The following NUDT3 variants were observed in gnomAD, a reference collection of about 807,000 sequenced individuals.
The protein encoded by NUDT3 is diphosphoinositol polyphosphate phosphohydrolase 1.
NUDT3 carries 9 observed loss-of-function variants against 23.6 expected under a neutral mutation model. The observed-to-expected ratio is 0.38, with a 90% CI of 0.23 to 0.66. NUDT3 has a LOEUF of 0.66. Among genes scored for constraint, NUDT3 ranks in the 30% least tolerant of loss-of-function variants. The pLI is 0.52. For missense variants in NUDT3, 172 were observed against 218.5 expected, an observed-to-expected ratio of 0.79 and a Z score of 1.34; for synonymous variants, 86 against 82.6, an observed-to-expected ratio of 1.04 and a Z score of -0.22.
intron 2 of NUDT3, among the ~76,000 whole-genome samples, chr6:34,297,751 ATATATATAATTTTT>A (rs1763532373): frequency 1.6e-4 from 16 of 99,780 alleles, no homozygotes; most frequent in African/African-American, 7.1e-4. Flanking sequence ...ATATATATAT[ATATATATAATTTTT>A]TTTTTTTTTT....
chr6:34,371,946 A>C lies in NUDT3; in HGVS notation c.99+20318T>G, dbSNP rs140676173. On this transcript the variant is annotated intron_variant, in intron 1 of 4. Coordinates refer to ENST00000607016, the MANE Select transcript of NUDT3 (RefSeq NM_006703.4). ...GTGTGATGTTCCCCACCCTGTGTCC[A>C]AGTGTTCTTATTGTTCAATTCCCAC... 4.1e-3 allele frequency among the ~76,000 whole-genome samples: 623 copies of C among 152,236 alleles called. 3 individuals are homozygous for C. The highest frequency in any genetic ancestry group is 5.9e-3 in the Non-Finnish European group (399 of 68,026).
chr6:34,365,712 AG>A, intron 1 of NUDT3, among the ~76,000 whole-genome samples: 1 of 152,198 alleles, frequency 6.6e-6, no homozygotes, highest in South Asian at 2.1e-4. Flanking sequence ...CAGGAGTTCG[AG>A]ACGAGTCTGG....
intron 2 of NUDT3, among the ~76,000 whole-genome samples, chr6:34,338,116 T>C (rs413417): frequency 0.99 from 150,699 of 152,354 alleles, 74,535 homozygotes; most frequent in Middle Eastern, 1. Flanking sequence ...CCCTTCAGGG[T>C]GTGCCTACAC....
intron 1 of NUDT3, among the ~76,000 whole-genome samples, chr6:34,367,027 G>A (rs1383581379): frequency 6.6e-6 from 1 of 152,080 alleles, no homozygotes; most frequent in Non-Finnish European, 1.5e-5. Flanking sequence ...CAAGTAGCTG[G>A]GATTACAGGT....
rs1765228926 is a variant in NUDT3, at chr6:34,392,626, A to G, written c.-264T>C. Reference sequence around the variant, plus strand: ...GCCCCCTCTGCCGCCGCCACCCCCGACGACGACCGCGCCGCCATCTTGGGC... The same window carrying G: ...GCCCCCTCTGCCGCCGCCACCCCCGGCGACGACCGCGCCGCCATCTTGGGC... On this transcript the variant is annotated 5_prime_UTR_variant, in exon 1 of 5. Transcript: ENST00000607016. 1 of 252,480 alleles carries G rather than the reference A, an allele frequency of 4.0e-6. No individual in the cohort carries two copies. The highest frequency in any genetic ancestry group is 7.5e-6 in the Non-Finnish European group (1 of 133,244). 15.6% of individuals were successfully genotyped at this position (252,480 alleles called of 1,614,324 possible).
At chr6:34,343,927 G>GA (rs1764326298) in intron 1 of NUDT3, among the ~76,000 whole-genome samples, 1 of 152,164 alleles carries the variant, frequency 6.6e-6, no homozygotes, top group Non-Finnish European at 1.5e-5. Context: ...ATAAGCACAT[G>GA]AAAAGATGCT....
rs563288935 is a variant in NUDT3 at position 34,390,232 on chromosome 6, T to G, written c.99+2032A>C. Among the ~76,000 whole-genome samples the G allele has an allele frequency of 1.0e-3, 157 of 151,404 alleles. 1 individual carries two copies. The highest frequency in any genetic ancestry group is 3.3e-3 in the African/African-American group (137 of 41,414). On this transcript the variant is annotated intron_variant, in intron 1 of 4. Transcript: ENST00000607016. ...TCGCCTGAACCTGGGAGGCAGAGGT[T>G]GCAGTGAGCCAAGATGGGGCCACTG...
rs1452095509 is a variant in NUDT3 at position 34,284,530 on chromosome 6, CT to C, written c.*4222del. 1.5e-5 allele frequency: 2 copies of C among 131,352 alleles called. No individual in the cohort carries two copies. Among genetic ancestry groups the C allele is most frequent in the Non-Finnish European group, 3.3e-5 (2 of 60,992 alleles). 8.1% of individuals were successfully genotyped at this position (131,352 alleles called of 1,614,324 possible). A position where few individuals can be genotyped will look rare whatever the true frequency, so the allele number is the denominator to read the frequency against. On this transcript the variant is annotated 3_prime_UTR_variant, in exon 5 of 5. Coordinates refer to ENST00000607016, the MANE Select transcript of NUDT3 (RefSeq NM_006703.4). ...AAAAGTGAATGTGGCTTAGGCTAAG[CT>C]GTTTTTTTTTTTTTTTTTTTAAAGA...
At chr6:34,353,282 G>C (rs967957137) in intron 1 of NUDT3, among the ~76,000 whole-genome samples, 1 of 151,582 alleles carries the variant, frequency 6.6e-6, no homozygotes, top group Non-Finnish European at 1.5e-5. Flanking sequence ...ATAACCACAG[G>C]GTATGTTTTT....
chr6:34,334,133 G>C (rs186301235), intron 2 of NUDT3, among the ~76,000 whole-genome samples: 1 of 152,330 alleles, frequency 6.6e-6, no homozygotes, highest in Admixed American at 6.5e-5. Context: ...CAAGTTTCCA[G>C]CTTTGTACAG....
intron 1 of NUDT3, among the ~76,000 whole-genome samples, chr6:34,386,648 G>A (rs949601413): frequency 1.3e-5 from 2 of 151,992 alleles, no homozygotes; most frequent in African/African-American, 4.8e-5. Flanking sequence ...TATAGTCATG[G>A]ACTATATAAC....
intron 1 of NUDT3, among the ~76,000 whole-genome samples, chr6:34,350,572 G>T (rs1764451174): frequency 6.6e-6 from 1 of 150,988 alleles, no homozygotes. Context: ...GTAAAGCTGA[G>T]TATGAGGTTA....
At chr6:34,349,476 T>C (rs1764433657) in intron 1 of NUDT3, among the ~76,000 whole-genome samples, 2 of 150,608 alleles carry the variant, frequency 1.3e-5, no homozygotes, top group Non-Finnish European at 3.0e-5. Flanking sequence ...TCTGAACATA[T>C]GAATTTGAGG....
At chr6:34,298,137 G>A (rs780286783) in intron 2 of NUDT3, among the ~76,000 whole-genome samples, 5 of 152,044 alleles carry the variant, frequency 3.3e-5, no homozygotes, top group Non-Finnish European at 7.4e-5. Flanking sequence ...CGAGGTAGGT[G>A]GACTGCTTGA....
Position 34,293,921 on chromosome 6 carries a change from T to C in NUDT3, c.256-386A>G, listed in dbSNP as rs1763461208. On this transcript the variant is annotated intron_variant, in intron 3 of 4. Transcript: ENST00000607016. ...AGTGACCCCAGCAAGGCAAACAAGC[T>C]GAGTGTGACACACACACACACCCAC... Among the ~76,000 whole-genome samples, 8 of 152,158 alleles carry C rather than the reference T, an allele frequency of 5.3e-5. No individual in the cohort carries two copies. In the South Asian group the frequency reaches 1.7e-3, roughly 32 times the overall value.
intron 1 of NUDT3, among the ~76,000 whole-genome samples, chr6:34,387,806 T>C (rs912194836): frequency 6.6e-6 from 1 of 151,600 alleles, no homozygotes; most frequent in East Asian, 1.9e-4. Flanking sequence ...ATGTAAAAGT[T>C]TATAAAGTAA....
intron 2 of NUDT3, among the ~76,000 whole-genome samples, chr6:34,311,622 C>G (rs1763773928): frequency 6.6e-6 from 1 of 152,080 alleles, no homozygotes; most frequent in African/African-American, 2.4e-5. Context: ...ACAGTCAACT[C>G]GTTAAGAAAG....
chr6:34,390,010 G>T (rs1765170709), intron 1 of NUDT3, among the ~76,000 whole-genome samples: 1 of 150,570 alleles, frequency 6.6e-6, no homozygotes, highest in South Asian at 2.1e-4. Context: ...TATGGCAGGT[G>T]CCTGTAATCC....
intron 1 of NUDT3, among the ~76,000 whole-genome samples, chr6:34,376,036 A>G (rs1220325559): frequency 6.6e-6 from 1 of 152,066 alleles, no homozygotes; most frequent in East Asian, 1.9e-4. Context: ...CTGACACTCC[A>G]CACTGTATCT....
Sources: allele counts gnomAD v4.1 joint callset (sites outside exome capture counted in the v4.1 genomes callset), GRCh38; gene constraint gnomAD v4.1.1; transcripts MANE v1.5; gene names NCBI Gene and HGNC (gene_info 2026-07-23, HGNC 2026-07-21).